Variants in EBF3 observed in about 807,000 individuals in gnomAD.
EBF3 encodes the protein transcription factor COE3.
Under a neutral mutation model 77.1 loss-of-function variants are expected in EBF3, and 18 were observed. That is an observed-to-expected ratio of 0.23 (90% CI 0.16 to 0.35). The LOEUF is 0.35. Among genes scored for constraint, EBF3 ranks in the 10% least tolerant of loss-of-function variants. The pLI, the probability that EBF3 is intolerant of heterozygous loss-of-function variation, is 1.00. For missense variants in EBF3, 558 were observed against 860.0 expected (o/e 0.65, Z 4.39); for synonymous variants, 350 against 343.5 (o/e 1.02, Z -0.21).
chr10:129,844,316 G>T (rs1408135633), intron 11 of EBF3, among the ~76,000 whole-genome samples: 1 of 152,190 alleles, frequency 6.6e-6, no homozygotes, highest in African/African-American at 2.4e-5. Context: ...TGGACAAAAA[G>T]TAAGGCAGGT....
chr10:129,848,357 A>G lies in EBF3; in HGVS notation c.1128+35T>C, dbSNP rs747083821. The G allele has an allele frequency of 5.6e-6, 9 of 1,595,642 alleles. No individual in the cohort carries two copies. The highest frequency in any genetic ancestry group is 1.7e-5 in the Admixed American group (1 of 59,940). ...CCAGAACCAGCCCAGTGGCGGCCCCACCATGAGCGGGGTGCCACTTGCTCT... is the reference window on the plus strand; with the variant it reads ...CCAGAACCAGCCCAGTGGCGGCCCCGCCATGAGCGGGGTGCCACTTGCTCT... On this transcript the variant is annotated intron_variant, in intron 11 of 16. Transcript: ENST00000440978. This position sits in a 1 kb window ranked among gnomAD's most constrained non-coding sequence, Gnocchi z 4.4.
chr10:129,869,274 G>A (rs758767803), intron 8 of EBF3, among the ~76,000 whole-genome samples: 2 of 152,184 alleles, frequency 1.3e-5, no homozygotes, highest in Non-Finnish European at 2.9e-5. Context: ...TGAGGCCCGA[G>A]GAGTACCCTT....
At chr10:129,898,875 G>C (rs973934322) in intron 6 of EBF3, among the ~76,000 whole-genome samples, 1 of 152,200 alleles carries the variant, frequency 6.6e-6, no homozygotes, top group Non-Finnish European at 1.5e-5. Context: ...AAGGCTGCCC[G>C]GCCCGCGGCC....
intron 6 of EBF3, among the ~76,000 whole-genome samples, chr10:129,945,149 GGGAGAAGAGGGGAGGGGAGA>G (rs1858100635): frequency 1.2e-5 from 1 of 83,436 alleles, no homozygotes; most frequent in Non-Finnish European, 2.4e-5. Flanking sequence ...GGGAGGGGAG[GGGAGAAGAGGGGAGGGGAGA>G]GGAGTGAAGA....
chr10:129,920,293 C>T (rs894827404), intron 6 of EBF3, among the ~76,000 whole-genome samples: 16 of 149,128 alleles, frequency 1.1e-4, no homozygotes, highest in Admixed American at 2.7e-4. Context: ...AGGAGGGCCA[C>T]AAACCCGCCC....
intron 4 of EBF3, among the ~76,000 whole-genome samples, chr10:129,959,391 GCGC>G (rs1337738277): frequency 6.6e-6 from 1 of 151,906 alleles, no homozygotes; most frequent in African/African-American, 2.4e-5. Flanking sequence ...TCGGCATTCC[GCGC>G]CGCCGCCAGG....
At position 129,870,168 on chromosome 10, in the gene EBF3, G is replaced by T. The variant is rs1045726147; in HGVS notation, c.782-2256C>A. Reference sequence around the variant, plus strand: ...CGGAAAGAAAACACGGGCCTGCCTTGGCCTCCTCCACAGTGATAGCCATCT... The same window carrying T: ...CGGAAAGAAAACACGGGCCTGCCTTTGCCTCCTCCACAGTGATAGCCATCT... On this transcript the variant is annotated intron_variant, in intron 8 of 16. Transcript: ENST00000440978. The surrounding 1 kb of genome is among the most constrained non-coding windows in gnomAD (Gnocchi z 4.4). Among the ~76,000 whole-genome samples the T allele has an allele frequency of 6.6e-6, 1 of 152,034 alleles. No homozygotes were observed. Among genetic ancestry groups the T allele is most frequent in the African/African-American group, 2.4e-5 (1 of 41,410 alleles).
Position 129,963,190 on chromosome 10 carries a change from G to A in EBF3, c.291+177C>T, listed in dbSNP as rs1859661063. On this transcript the variant is annotated intron_variant, in intron 2 of 16. Transcript: ENST00000440978. The surrounding 1 kb of genome is among the most constrained non-coding windows in gnomAD (Gnocchi z 7.1). The stretch of plus-strand genomic sequence containing the variant: ...TTCTCCTCGCCCCGAGTAAGTCCGA[G>A]GGCGCAGAGAAGTTGCCCAGCCCTC... The A allele has an allele frequency of 4.3e-6, 5 of 1,165,568 alleles. No homozygotes were observed. Among genetic ancestry groups the A allele is most frequent in the Non-Finnish European group, 6.0e-6 (5 of 839,042 alleles). 72.2% of individuals were successfully genotyped at this position (1,165,568 alleles called of 1,614,324 possible). A position where few individuals can be genotyped will look rare whatever the true frequency, so the allele number is the denominator to read the frequency against.
At position 129,960,810 on chromosome 10, in the gene EBF3, C is replaced by T. The variant is rs187677769; in HGVS notation, c.411+1361G>A. 2.3e-4 allele frequency among the ~76,000 whole-genome samples: 35 copies of T among 152,228 alleles called. No homozygotes were observed. The East Asian group carries it at 6.4e-3, about 28-fold the overall frequency. On this transcript the variant is annotated intron_variant, in intron 4 of 16. Transcript: ENST00000440978. ...GAAACTTAGGGCTGCCTACATAAAC[C>T]TCTTAATTAGACTATAGCGATTTCC...
intron 6 of EBF3, among the ~76,000 whole-genome samples, chr10:129,890,501 T>C (rs1853949159): frequency 6.6e-6 from 1 of 152,260 alleles, no homozygotes; most frequent in African/African-American, 2.4e-5. Flanking sequence ...GCCAGCCTAA[T>C]ACTGGGCACG....
At chr10:129,951,125 G>A (rs1246960412) in intron 6 of EBF3, among the ~76,000 whole-genome samples, 1 of 152,200 alleles carries the variant, frequency 6.6e-6, no homozygotes, top group Non-Finnish European at 1.5e-5. Context: ...GTCTCCTAAA[G>A]GCTTTGACGA....
chr10:129,919,373 A>G (rs970618903), intron 6 of EBF3, among the ~76,000 whole-genome samples: 10 of 152,088 alleles, frequency 6.6e-5, no homozygotes, highest in Non-Finnish European at 1.5e-4. Context: ...GTGGAGTGTG[A>G]TAACAGCCAC....
At chr10:129,916,066 G>A (rs966117604) in intron 6 of EBF3, among the ~76,000 whole-genome samples, 2 of 152,360 alleles carry the variant, frequency 1.3e-5, no homozygotes, top group East Asian at 1.9e-4. Context: ...CTCCGAGGGG[G>A]AAGGAGAGGG....
Position 129,848,570 on chromosome 10 carries a change from T to A in EBF3, c.1040-90A>T. 7.3e-7 allele frequency: 1 copy of A among 1,376,922 alleles called. No individual in the cohort carries two copies. The highest frequency in any genetic ancestry group is 1.0e-6 in the Non-Finnish European group (1 of 965,096). 85.3% of individuals were successfully genotyped at this position (1,376,922 alleles called of 1,614,324 possible). A position where few individuals can be genotyped will look rare whatever the true frequency, so the allele number is the denominator to read the frequency against. On this transcript the variant is annotated intron_variant, in intron 10 of 16. Coordinates refer to ENST00000440978, the MANE Select transcript of EBF3 (RefSeq NM_001375380.1). This position sits in a 1 kb window ranked among gnomAD's most constrained non-coding sequence, Gnocchi z 4.4. ...TGCACACTTACAAATAAATGTGTAGTTCTCCTGCTCTGATGCTCTCTAAGG... is the reference window on the plus strand; with the variant it reads ...TGCACACTTACAAATAAATGTGTAGATCTCCTGCTCTGATGCTCTCTAAGG...
At position 129,885,549 on chromosome 10, in the gene EBF3, C is replaced by G. The variant is rs1479754337; in HGVS notation, c.555-7700G>C. ...AAATGTGAAGTGCACTATATTTACA[C>G]TAGGGTTCTTGTTTCAAGTGCCTAT... On this transcript the variant is annotated intron_variant, in intron 6 of 16. Transcript: ENST00000440978. The surrounding 1 kb of genome is among the most constrained non-coding windows in gnomAD (Gnocchi z 4.0). 6.6e-6 allele frequency among the ~76,000 whole-genome samples: 1 copy of G among 152,198 alleles called. No homozygotes were observed. The highest frequency in any genetic ancestry group is 2.1e-4 in the South Asian group (1 of 4,826).
At chr10:129,884,065 T>C (rs910245916) in intron 6 of EBF3, among the ~76,000 whole-genome samples, 2 of 152,282 alleles carry the variant, frequency 1.3e-5, no homozygotes. Context: ...AATTAAAAGA[T>C]AGAGCCTTTA....
chr10:129,923,569 G>A (rs575175625), intron 6 of EBF3, among the ~76,000 whole-genome samples: 25 of 152,264 alleles, frequency 1.6e-4, no homozygotes, highest in African/African-American at 5.5e-4. Context: ...ATGGTGCTGG[G>A]AAAGCTGGAC....
chr10:129,915,495 C>A (rs956308124), intron 6 of EBF3, among the ~76,000 whole-genome samples: 250 of 108,224 alleles, frequency 2.3e-3, no homozygotes, highest in African/African-American at 8.7e-3. Flanking sequence ...CACACACACA[C>A]ACAAAAAAGC....
At chr10:129,889,976 T>TTTTTTTTTTAA (rs1853904330) in intron 6 of EBF3, among the ~76,000 whole-genome samples, 1 of 123,972 alleles carries the variant, frequency 8.1e-6, no homozygotes, top group Admixed American at 7.8e-5. Context: ...TTTTTTTTTT[T>TTTTTTTTTTAA]GGTTATGAAG....
Sources: gnomAD v4.1 joint callset for allele counts (sites outside exome capture counted in the v4.1 genomes callset) on GRCh38, gnomAD v4.1.1 for gene constraint, Gnocchi (gnomAD v3.1) non-coding constraint, MANE v1.5 for transcripts, NCBI Gene and HGNC (gene_info 2026-07-23, HGNC 2026-07-21) for gene names.